Variants in VGLL4 observed in about 807,000 individuals in gnomAD.
VGLL4 encodes the protein vestigial like family member 4, also known as transcription cofactor vestigial-like protein 4.
A neutral mutation model predicts 21.0 loss-of-function variants in VGLL4; 7 were observed. That is an observed-to-expected ratio of 0.33 (90% CI 0.19 to 0.63). The LOEUF (loss-of-function observed/expected upper bound fraction) is 0.63. Among genes scored for constraint, VGLL4 ranks in the 20% least tolerant of loss-of-function variants. The probability of loss-of-function intolerance (pLI) is 0.78; values close to 1 mark genes in which losing one functional copy is unlikely to be tolerated. For missense variants in VGLL4, 394 were observed against 425.7 expected, an observed-to-expected ratio of 0.93 and a Z score of 0.66; for synonymous variants, 222 against 173.2, an observed-to-expected ratio of 1.28 and a Z score of -2.21.
chr3:11,579,220 A>AC (rs2074154576), intron 2 of VGLL4, among the ~76,000 whole-genome samples: 1 of 151,484 alleles, frequency 6.6e-6, no homozygotes, highest in Non-Finnish European at 1.5e-5. Context: ...AACTTTCTAA[A>AC]AAAAAAAAAA....
intron 1 of VGLL4, among the ~76,000 whole-genome samples, chr3:11,616,620 C>T (rs2125293871): frequency 6.6e-6 from 1 of 152,366 alleles, no homozygotes; most frequent in South Asian, 2.1e-4. Context: ...AAAACTGACA[C>T]ATGGACATGG....
chr3:11,606,425 C>T (rs944635961), intron 1 of VGLL4, among the ~76,000 whole-genome samples: 2 of 152,172 alleles, frequency 1.3e-5, no homozygotes, highest in African/African-American at 4.8e-5. Flanking sequence ...AAAGACAATA[C>T]AAAAGTGTTA....
chr3:11,646,138 C>T (rs1010947222), upstream of VGLL4, among the ~76,000 whole-genome samples: 9 of 152,092 alleles, frequency 5.9e-5, no homozygotes, highest in African/African-American at 1.9e-4. Flanking sequence ...CACTATATTA[C>T]ATGTAATAAG....
chr3:11,704,693 A>C (rs1226636537), intron 1 of VGLL4, among the ~76,000 whole-genome samples: 1 of 152,222 alleles, frequency 6.6e-6, no homozygotes, highest in Admixed American at 6.5e-5. Flanking sequence ...CAAGCTAAGC[A>C]GCGTATTTTC....
chr3:11,640,655 G>A (rs2443704), intron 1 of VGLL4, among the ~76,000 whole-genome samples: 139,837 of 152,190 alleles, frequency 0.92, 64,324 homozygotes, highest in East Asian at 0.96. Context: ...ATTCTTTTCA[G>A]TTATTCTTGC....
chr3:11,600,586 C>T (rs2074770132), intron 2 of VGLL4, among the ~76,000 whole-genome samples: 1 of 152,126 alleles, frequency 6.6e-6, no homozygotes, highest in South Asian at 2.1e-4. Flanking sequence ...CAGCCTCTGA[C>T]TAACACTGCA....
chr3:11,643,669 T>TAA lies in VGLL4; in HGVS notation c.-153_-152dup, dbSNP rs34152653. 3.1e-3 allele frequency: 4,153 copies of TAA among 1,339,078 alleles called. 9 individuals are homozygous for TAA. The highest frequency in any genetic ancestry group is 0.018 in the Admixed American group (590 of 32,554). The allele number at this position is 1,339,078 out of a possible 1,614,324, so 82.9% of individuals were successfully genotyped here. A position where few individuals can be genotyped will look rare whatever the true frequency, so the allele number is the denominator to read the frequency against. Reference sequence around the variant, plus strand: ...CTATCAAAACAAAGTATGCAAAAGTTAAAAAAAAAAAAATCAGGCACAAAA... The same window carrying TAA: ...CTATCAAAACAAAGTATGCAAAAGTTAAAAAAAAAAAAAAATCAGGCACAAAA... On this transcript the variant is annotated 5_prime_UTR_variant, in exon 1 of 5. Coordinates refer to ENST00000430365, the MANE Select transcript of VGLL4 (RefSeq NM_001128219.3).
chr3:11,571,284 A>G (rs2125166817), intron 2 of VGLL4, among the ~76,000 whole-genome samples: 1 of 152,264 alleles, frequency 6.6e-6, no homozygotes, highest in African/African-American at 2.4e-5. Context: ...TTAATAATTG[A>G]AAAAAAGCCA....
At chr3:11,697,522 C>A (rs2076621902) in intron 2 of VGLL4, among the ~76,000 whole-genome samples, 3 of 152,164 alleles carry the variant, frequency 2.0e-5, no homozygotes, top group Non-Finnish European at 4.4e-5. Flanking sequence ...CCCAGCTGAA[C>A]TAGTCACAGG....
chr3:11,604,094 C>T (rs921271616), intron 1 of VGLL4, among the ~76,000 whole-genome samples: 5 of 150,578 alleles, frequency 3.3e-5, no homozygotes, highest in South Asian at 2.1e-4. Context: ...TTCTAACCCA[C>T]GGGTGGGGGT....
At chr3:11,685,640 T>G (rs1231725857) in intron 2 of VGLL4, among the ~76,000 whole-genome samples, 1 of 152,192 alleles carries the variant, frequency 6.6e-6, no homozygotes, top group East Asian at 1.9e-4. Flanking sequence ...CCCAGAAATG[T>G]GAAAAGATAA....
chr3:11,648,936 C>T (rs1458435922), intron 2 of VGLL4, among the ~76,000 whole-genome samples: 5 of 152,186 alleles, frequency 3.3e-5, no homozygotes, highest in African/African-American at 7.2e-5. Context: ...AAACAGATAA[C>T]GCCTGTGTAT....
Position 11,566,617 on chromosome 3 carries a change from C to T in VGLL4, c.273-1598G>A, listed in dbSNP as rs1432553098. Among the ~76,000 whole-genome samples the T allele has an allele frequency of 2.0e-5, 3 of 152,300 alleles. No individual in the cohort carries two copies. In the East Asian group the frequency reaches 5.8e-4, roughly 29 times the overall value. The stretch of plus-strand genomic sequence containing the variant: ...AGTTCCAACCATCTACTTGCCATTC[C>T]TCAAATAAGATGCGGCCACTCTCTG... On this transcript the variant is annotated intron_variant, in intron 2 of 4. Coordinates refer to ENST00000430365, the MANE Select transcript of VGLL4 (RefSeq NM_001128219.3).
chr3:11,627,214 A>G (rs2075367216), intron 1 of VGLL4: 3 of 140,124 alleles, frequency 2.1e-5, no homozygotes, highest in African/African-American at 9.3e-5. Context: ...ACACACACAC[A>G]CACACACACA....
chr3:11,637,255 A>G (rs888156110), intron 1 of VGLL4, among the ~76,000 whole-genome samples: 5 of 152,188 alleles, frequency 3.3e-5, no homozygotes, highest in Admixed American at 3.3e-4. Context: ...CATAAAATAC[A>G]CATTTTTATA....
chr3:11,616,816 C>T (rs1343496667), intron 1 of VGLL4, among the ~76,000 whole-genome samples: 1 of 152,078 alleles, frequency 6.6e-6, no homozygotes, highest in Non-Finnish European at 1.5e-5. Context: ...GTCTTTGCCT[C>T]GAAAATTTTA....
intron 1 of VGLL4, among the ~76,000 whole-genome samples, chr3:11,714,102 C>T (rs2076886718): frequency 6.6e-6 from 1 of 152,186 alleles, no homozygotes. Flanking sequence ...AATGCACAGA[C>T]TGTATGAAAG....
intron 3 of VGLL4, 62 bp from the exon 4 acceptor site, chr3:11,559,517 G>A (rs907934417): frequency 1.0e-5 from 15 of 1,481,618 alleles, no homozygotes; most frequent in Non-Finnish European, 1.3e-5. Context: ...CCACCCCTGG[G>A]GCCCTCCCCA....
At chr3:11,580,100 C>T (rs973349772) in intron 2 of VGLL4, among the ~76,000 whole-genome samples, 20 of 152,238 alleles carry the variant, frequency 1.3e-4, no homozygotes, top group African/African-American at 4.3e-4. Flanking sequence ...TATGTTGTGC[C>T]GCCAACCGCA....
Sources: gnomAD v4.1 joint callset for allele counts (sites outside exome capture counted in the v4.1 genomes callset) on GRCh38, gnomAD v4.1.1 for gene constraint, MANE v1.5 for transcripts, NCBI Gene and HGNC (gene_info 2026-07-23, HGNC 2026-07-21) for gene names.